The following KIAA1671 variants were observed in gnomAD, a reference collection of about 807,000 sequenced individuals.
KIAA1671 encodes the protein KIAA1671.
Under a neutral mutation model 131.2 loss-of-function variants are expected in KIAA1671, and 52 were observed. The observed-to-expected ratio is 0.40, with a 90% CI of 0.32 to 0.50. The LOEUF is 0.50. Among genes scored for constraint, KIAA1671 ranks in the 20% least tolerant of loss-of-function variants. The probability of loss-of-function intolerance (pLI) is 0.73; values close to 1 mark genes in which losing one functional copy is unlikely to be tolerated. For synonymous variants in KIAA1671, 1,003 were observed against 961.6 expected (o/e 1.04, Z -0.80); for missense variants, 2,360 against 2,364.2 (o/e 1.00, Z 0.04).
At chr22:24,977,042 ATAG>A (rs1922951352) in intron 1 of KIAA1671, among the ~76,000 whole-genome samples, 1 of 152,160 alleles carries the variant, frequency 6.6e-6, no homozygotes, top group Non-Finnish European at 1.5e-5. Flanking sequence ...AACGATATTA[ATAG>A]TAGAACCATC....
chr22:25,141,410 T>C (rs1172244273), intron 6 of KIAA1671, among the ~76,000 whole-genome samples: 2 of 152,064 alleles, frequency 1.3e-5, no homozygotes, highest in African/African-American at 4.8e-5. Context: ...TTTTTTGTAT[T>C]TTTAGTAGAG....
At position 25,032,674 on chromosome 22, in the gene KIAA1671, T is replaced by C; in HGVS notation, c.1607T>C (p.Phe536Ser). 1 of 1,546,616 alleles carries C rather than the reference T, an allele frequency of 6.5e-7. No individual in the cohort carries two copies. Among genetic ancestry groups the C allele is most frequent in the South Asian group, 1.2e-5 (1 of 83,708 alleles). The change falls in exon 4 of 13, where the codon TTT (phenylalanine) becomes TCT (serine). Residue 536 changes from phenylalanine to serine, a missense_variant. Phe to Ser is a radical substitution (Grantham distance 155, BLOSUM62 -2). Transcript: ENST00000358431. ...AAGAGTGCTGAGCTGAGCGGCGAGTTTCCTAAGGAACCGAGAGAAAAGGTA... is the reference window on the plus strand; with the variant it reads ...AAGAGTGCTGAGCTGAGCGGCGAGTCTCCTAAGGAACCGAGAGAAAAGGTA... ...YEKSAELSGE[F>S]PKEPREKQKE...
At chr22:25,009,239 C>T (rs1317898272) in intron 1 of KIAA1671, among the ~76,000 whole-genome samples, 1 of 144,052 alleles carries the variant, frequency 6.9e-6, no homozygotes, top group Non-Finnish European at 1.5e-5. Context: ...TTTCTTGGCA[C>T]TCTCCCTTCC....
At chr22:25,166,982 C>T (rs551825962) in intron 6 of KIAA1671, among the ~76,000 whole-genome samples, 1 of 152,336 alleles carries the variant, frequency 6.6e-6, no homozygotes, top group Admixed American at 6.5e-5. Flanking sequence ...AAGTCCCCAG[C>T]ATCTGGCCTC....
intron 7 of KIAA1671, among the ~76,000 whole-genome samples, chr22:25,171,157 T>G (rs1414422999): frequency 6.6e-6 from 1 of 152,164 alleles, no homozygotes; most frequent in African/African-American, 2.4e-5. Context: ...CCCAGCACTT[T>G]GGGAGGCTGA....
Position 25,028,020 on chromosome 22 carries a change from G to A in KIAA1671, c.21G>A (p.Val7=), listed in dbSNP as rs1926044641. The change falls in exon 3 of 13, where the codon GTG becomes GTA. Residue 7 remains valine (V), a synonymous_variant. Coordinates refer to ENST00000358431, the MANE Select transcript of KIAA1671 (RefSeq NM_001145206.2). The part of the protein sequence containing the change: MATRVE[V]GSITPLTAVP... ...TAACCATGGCCACGCGGGTCGAGGT[G>A]GGCTCCATAACGCCCTTGACGGCCG... is the stretch of plus-strand genomic sequence containing the variant. 1 of 1,504,368 alleles carries A rather than the reference G, an allele frequency of 6.6e-7. No individual in the cohort carries two copies. Among genetic ancestry groups the A allele is most frequent in the Non-Finnish European group, 8.9e-7 (1 of 1,122,506 alleles). The allele number at this position is 1,504,368 out of a possible 1,614,324, so 93.2% of individuals were successfully genotyped here.
intron 6 of KIAA1671, among the ~76,000 whole-genome samples, chr22:25,166,992 C>A (rs1205564516): frequency 1.3e-5 from 2 of 152,324 alleles, no homozygotes; most frequent in East Asian, 3.9e-4. Context: ...CATCTGGCCT[C>A]TGAATCTGAC....
chr22:24,992,859 G>T (rs1923921600), intron 1 of KIAA1671, among the ~76,000 whole-genome samples: 2 of 143,704 alleles, frequency 1.4e-5, no homozygotes, highest in South Asian at 4.5e-4. Flanking sequence ...AGTGCTTTTT[G>T]ATGTATATTC....
At chr22:24,981,591 C>T (rs1192022458) in intron 1 of KIAA1671, among the ~76,000 whole-genome samples, 1 of 152,184 alleles carries the variant, frequency 6.6e-6, no homozygotes, top group African/African-American at 2.4e-5. Flanking sequence ...TGGTCTGAAG[C>T]AGGACCCTTG....
In KIAA1671 at chr22:25,039,059, C is replaced by T; in HGVS notation, c.1929C>T (p.Ala643=). 1 of 1,551,740 alleles carries T rather than the reference C, an allele frequency of 6.4e-7. No homozygotes were observed. The highest frequency in any genetic ancestry group is 2.4e-5 in the East Asian group (1 of 40,920). The stretch of plus-strand genomic sequence containing the variant: ...CACCCCCTGGTGACATGGCCCATGC[C>T]CGTGTCTCAGAACCCAGGCCGAGGC... ...STTPPGDMAH[A]RVSEPRPRPE... Residue 643 remains alanine (A), a synonymous_variant, in exon 5 of 13, where the codon GCC becomes GCT. Transcript: ENST00000358431.
intron 3 of KIAA1671, among the ~76,000 whole-genome samples, chr22:25,032,018 C>T (rs959831068): frequency 3.3e-5 from 5 of 152,372 alleles, no homozygotes; most frequent in African/African-American, 1.2e-4. Flanking sequence ...TCTAGCTCCA[C>T]ACCCTCTTCC....
chr22:25,074,593 G>GTATA (rs924202391), intron 6 of KIAA1671, among the ~76,000 whole-genome samples: 113 of 149,624 alleles, frequency 7.6e-4, no homozygotes, highest in African/African-American at 2.7e-3. Flanking sequence ...GTGTGTGCGT[G>GTATA]TATATATATA....
chr22:25,040,552 G>A lies in KIAA1671; in HGVS notation c.3422G>A (p.Arg1141His), dbSNP rs902744604. The A allele has an allele frequency of 1.3e-5, 20 of 1,551,652 alleles. No homozygotes were observed. In the East Asian group the frequency reaches 2.9e-4, roughly 23 times the overall value. ...CATCGGGGATCAGAAGATGGCCCTC[G>A]TCCTCAAAGCAATTGGAAGGAAAGT... Reference protein sequence around the residue: ...WSHRGSEDGPRPQSNWKESAN... With the variant: ...WSHRGSEDGPHPQSNWKESAN... Residue 1141 changes from arginine to histidine, a missense_variant, in exon 5 of 13, where the codon CGT becomes CAT. By Grantham distance (29) the Arg-to-His change is conservative. Coordinates refer to ENST00000358431, the MANE Select transcript of KIAA1671 (RefSeq NM_001145206.2).
chr22:25,170,017 C>T (rs1217128023), intron 6 of KIAA1671, among the ~76,000 whole-genome samples: 2 of 152,072 alleles, frequency 1.3e-5, no homozygotes, highest in Non-Finnish European at 2.9e-5. Flanking sequence ...GAGTTCACGC[C>T]GTTCTCCTGC....
intron 9 of KIAA1671, 121 bp from the exon 10 acceptor site, chr22:25,181,578 G>GCGT (rs1934276828): frequency 1.6e-6 from 2 of 1,212,530 alleles, no homozygotes; most frequent in Non-Finnish European, 2.3e-6. Context: ...ATGGGCCATA[G>GCGT]CGTCTTCTGT....
At chr22:25,113,755 A>T (rs149374263) in intron 6 of KIAA1671, among the ~76,000 whole-genome samples, 81 of 152,306 alleles carry the variant, frequency 5.3e-4, no homozygotes, top group African/African-American at 1.8e-3. Flanking sequence ...GCCCAGAACA[A>T]ATTAGTGGGG....
intron 6 of KIAA1671, among the ~76,000 whole-genome samples, chr22:25,120,458 T>G (rs1295510359): frequency 1.3e-5 from 2 of 152,134 alleles, no homozygotes; most frequent in Non-Finnish European, 2.9e-5. Context: ...AAAGTCTGGG[T>G]CTCAGAGTAG....
chr22:25,081,758 A>G (rs1210829294), intron 6 of KIAA1671, among the ~76,000 whole-genome samples: 1 of 152,120 alleles, frequency 6.6e-6, no homozygotes, highest in Non-Finnish European at 1.5e-5. Flanking sequence ...GACTTGTCCA[A>G]AGGTTGCACA....
At chr22:25,113,737 T>G (rs1402578035) in intron 6 of KIAA1671, among the ~76,000 whole-genome samples, 2 of 152,202 alleles carry the variant, frequency 1.3e-5, no homozygotes, top group South Asian at 2.1e-4. Flanking sequence ...GGTCTGTGCT[T>G]CTTTGTGGCC....
Sources: gnomAD v4.1 joint callset for allele counts (sites outside exome capture counted in the v4.1 genomes callset) on GRCh38, gnomAD v4.1.1 for gene constraint, MANE v1.5 for transcripts, NCBI Gene and HGNC (gene_info 2026-07-23, HGNC 2026-07-21) for gene names.